ATG14: variants seen among roughly 807,000 people sequenced by gnomAD.
ATG14 encodes autophagy related 14, also known as beclin 1-associated autophagy-related key regulator.
A neutral mutation model predicts 60.4 loss-of-function variants in ATG14; 35 were observed. That is an observed-to-expected ratio of 0.58 (90% CI 0.44 to 0.77). ATG14 has a LOEUF of 0.77. ATG14 is among the 30% of genes least tolerant of loss of function. ATG14 has a pLI of 0.00. For missense variants in ATG14, 647 were observed against 626.3 expected, an observed-to-expected ratio of 1.03 and a Z score of -0.35; for synonymous variants, 234 against 228.8, an observed-to-expected ratio of 1.02 and a Z score of -0.21.
chr14:55,382,869 T>C (rs1218609495), intron 5 of ATG14, among the ~76,000 whole-genome samples: 4 of 152,182 alleles, frequency 2.6e-5, no homozygotes, highest in Non-Finnish European at 5.9e-5. Context: ...AGATTACTGA[T>C]ACTGAATTAG....
chr14:55,369,738 AG>A lies in ATG14; in HGVS notation c.1359del (p.Ser454ProfsTer20). The A allele has an allele frequency of 6.2e-7, 1 of 1,613,856 alleles. No individual in the cohort carries two copies. The highest frequency in any genetic ancestry group is 8.5e-7 in the Non-Finnish European group (1 of 1,179,820). ...FCDIPSQSVEVSQSQSTQASP... is the reference protein window; with the variant it reads ...FCDIPSQSVEXSQSQSTQASP... ...GACGCCTGGGTGCTCTGACTCTGGGAGACTTCCACAGACTGGGAAGGGATAT... is the reference window on the plus strand; with the variant it reads ...GACGCCTGGGTGCTCTGACTCTGGGAACTTCCACAGACTGGGAAGGGATAT... On this transcript the variant is annotated frameshift_variant, in exon 10 of 10. Coordinates refer to ENST00000247178, the MANE Select transcript of ATG14 (RefSeq NM_014924.5). LOFTEE classifies it high-confidence loss of function.
rs1178156494 is a variant in ATG14 at position 55,367,822 on chromosome 14, G to GT, written c.*1796dup. 1.3e-5 allele frequency: 2 copies of GT among 151,664 alleles called. No homozygotes were observed. The highest frequency in any genetic ancestry group is 6.6e-5 in the Admixed American group (1 of 15,222). The allele number at this position is 151,664 out of a possible 1,614,324, so 9.4% of individuals were successfully genotyped here. A position where few individuals can be genotyped will look rare whatever the true frequency, so the allele number is the denominator to read the frequency against. On this transcript the variant is annotated 3_prime_UTR_variant, in exon 10 of 10. Transcript: ENST00000247178. ...GAAAATTCATAGAGCCAAGGAATTT[G>GT]TGACTACCGGATAGAAATAAACTCC...
At chr14:55,372,853 T>G (rs1207829679) in intron 9 of ATG14, among the ~76,000 whole-genome samples, 1 of 152,148 alleles carries the variant, frequency 6.6e-6, no homozygotes, top group African/African-American at 2.4e-5. Flanking sequence ...CCCGGTGGAC[T>G]CCGGTTCTCT....
chr14:55,402,009 G>A (rs1379401616), intron 1 of ATG14, among the ~76,000 whole-genome samples: 1 of 152,172 alleles, frequency 6.6e-6, no homozygotes, highest in African/African-American at 2.4e-5. Flanking sequence ...CTGTTCCCCG[G>A]CTACAATCAT....
intron 4 of ATG14, among the ~76,000 whole-genome samples, chr14:55,387,069 G>A (rs1157826801): frequency 1.3e-5 from 2 of 151,710 alleles, no homozygotes; most frequent in South Asian, 2.1e-4. Context: ...CCTAGTTAAC[G>A]CTCACCAACA....
chr14:55,385,822 G>T, intron 5 of ATG14, 37 bp downstream of exon 5: 1 of 1,503,404 alleles, frequency 6.7e-7, no homozygotes, highest in Non-Finnish European at 9.1e-7. Context: ...TTTGGAACTT[G>T]ATCTATTCCT....
At chr14:55,370,009 CTGAGGGGA>C in intron 9 of ATG14, 84 bp from the exon 10 acceptor site, 1 of 1,376,634 alleles carries the variant, frequency 7.3e-7, no homozygotes, top group South Asian at 1.5e-5. Context: ...AGGCCCTCAC[CTGAGGGGA>C]TGAGGGACGC....
At chr14:55,379,499 C>T (rs1030873628) in intron 7 of ATG14, among the ~76,000 whole-genome samples, 3 of 152,110 alleles carry the variant, frequency 2.0e-5, no homozygotes, top group African/African-American at 4.8e-5. Flanking sequence ...GAGCTAAAAT[C>T]GTGCCACTGC....
In ATG14 at chr14:55,399,190, ATACAT is replaced by A. The variant is rs1885361269; in HGVS notation, c.222-1761_222-1757del. The stretch of plus-strand genomic sequence containing the variant: ...TTAATAGTCACTGAAAATGCACAAT[ATACAT>A]TAAACAGAAAAAGCAAATAGGCAAT... On this transcript the variant is annotated intron_variant, in intron 1 of 9. Coordinates refer to ENST00000247178, the MANE Select transcript of ATG14 (RefSeq NM_014924.5). 2.6e-5 allele frequency among the ~76,000 whole-genome samples: 4 copies of A among 152,364 alleles called. No individual in the cohort carries two copies. In the South Asian group the frequency reaches 8.3e-4, roughly 32 times the overall value.
intron 5 of ATG14, 79 bp from the exon 6 acceptor site, chr14:55,382,270 G>C (rs532342415): frequency 7.6e-7 from 1 of 1,316,790 alleles, no homozygotes; most frequent in East Asian, 2.3e-5. Context: ...AGACATGCTA[G>C]AACATCGAAA....
In ATG14 at chr14:55,368,070, T is replaced by C. The variant is rs754574439; in HGVS notation, c.*1549A>G. The C allele has an allele frequency of 1.3e-5, 2 of 152,098 alleles. No individual in the cohort carries two copies. Among genetic ancestry groups the C allele is most frequent in the African/African-American group, 4.8e-5 (2 of 41,350 alleles). The allele number at this position is 152,098 out of a possible 1,614,324, so 9.4% of individuals were successfully genotyped here. ...TAGGACTCTTTCATAGGATTTCTTT[T>C]GGTAGTTGTTACATAGGATTTTTTT... On this transcript the variant is annotated 3_prime_UTR_variant, in exon 10 of 10. Coordinates refer to ENST00000247178, the MANE Select transcript of ATG14 (RefSeq NM_014924.5).
intron 3 of ATG14, among the ~76,000 whole-genome samples, chr14:55,395,591 G>A (rs1358551283): frequency 1.3e-5 from 2 of 152,194 alleles, no homozygotes; most frequent in Non-Finnish European, 2.9e-5. Context: ...CCCACTCCAA[G>A]ATTATGTAAA....
intron 5 of ATG14, among the ~76,000 whole-genome samples, chr14:55,383,052 T>A (rs1466249286): frequency 1.3e-5 from 2 of 152,152 alleles, no homozygotes; most frequent in African/African-American, 2.4e-5. Context: ...AAAAATAGCA[T>A]CCCACAAAAA....
chr14:55,393,294 A>G (rs908050464), intron 3 of ATG14, among the ~76,000 whole-genome samples: 4 of 151,986 alleles, frequency 2.6e-5, no homozygotes, highest in Non-Finnish European at 5.9e-5. Flanking sequence ...CTGAGGCAGG[A>G]GAATGGTGTG....
At chr14:55,409,015 T>C (rs762299007) in intron 1 of ATG14, among the ~76,000 whole-genome samples, 11 of 152,200 alleles carry the variant, frequency 7.2e-5, no homozygotes, top group African/African-American at 1.2e-4. Flanking sequence ...ACATTTCTAT[T>C]GTGGCTGCTG....
chr14:55,380,755 G>A (rs1305102520), intron 6 of ATG14, 65 bp from the exon 7 acceptor site: 3 of 1,039,156 alleles, frequency 2.9e-6, no homozygotes, highest in Non-Finnish European at 4.3e-6. Context: ...AATAATCCAC[G>A]AGTTTATCAT....
intron 5 of ATG14, among the ~76,000 whole-genome samples, chr14:55,385,296 T>G (rs1885104602): frequency 6.6e-6 from 1 of 152,158 alleles, no homozygotes; most frequent in Non-Finnish European, 1.5e-5. Flanking sequence ...CTGGTTTTTT[T>G]TTGTTTGTTT....
At chr14:55,397,350 A>C in intron 2 of ATG14, 22 bp downstream of exon 2, 2 of 1,606,270 alleles carry the variant, frequency 1.2e-6, no homozygotes, top group South Asian at 1.1e-5. Context: ...CCACAAATTA[A>C]AAGACAAAAC....
chr14:55,376,275 C>A (rs895576443), intron 9 of ATG14, among the ~76,000 whole-genome samples: 1 of 152,150 alleles, frequency 6.6e-6, no homozygotes, highest in African/African-American at 2.4e-5. Context: ...AATAGTGGCC[C>A]AATAAATATT....
Sources: allele counts gnomAD v4.1 joint callset (sites outside exome capture counted in the v4.1 genomes callset), GRCh38; gene constraint gnomAD v4.1.1; transcripts MANE v1.5; gene names NCBI Gene and HGNC (gene_info 2026-07-23, HGNC 2026-07-21).